The following ST6GALNAC3 variants were observed in gnomAD, a reference collection of about 807,000 sequenced individuals.
ST6GALNAC3 encodes ST6 N-acetylgalactosaminide alpha-2,6-sialyltransferase 3.
ST6GALNAC3 carries 25 observed loss-of-function variants against 32.7 expected under a neutral mutation model. The observed-to-expected ratio is 0.76, with a 90% confidence interval of 0.56 to 1.07. ST6GALNAC3 has a LOEUF of 1.07. Ranked by LOEUF, ST6GALNAC3 falls within the 50% of genes least tolerant of loss-of-function variation. The probability of loss-of-function intolerance (pLI) is 0.00; values close to 1 mark genes in which losing one functional copy is unlikely to be tolerated. For synonymous variants in ST6GALNAC3, 129 were observed against 133.1 expected (o/e 0.97, Z 0.21); for missense variants, 355 against 382.4 (o/e 0.93, Z 0.60).
In ST6GALNAC3 at chr1:76,634,298, AT is replaced by A; in HGVS notation, c.*5496del. ...ACTTCAAAAAGATCAAAACGAGGCA[AT>A]TTTATAGCTTTTTGTTACCTAATCT... On this transcript the variant is annotated 3_prime_UTR_variant, in exon 5 of 5. Transcript: ENST00000328299. 2 of 394,792 alleles carry A rather than the reference AT, an allele frequency of 5.1e-6. No individual in the cohort carries two copies. Among genetic ancestry groups the A allele is most frequent in the Non-Finnish European group, 3.4e-6 (1 of 290,224 alleles). 24.5% of individuals were successfully genotyped at this position (394,792 alleles called of 1,614,324 possible).
Position 76,629,739 on chromosome 1 carries a change from G to C in ST6GALNAC3, c.*933G>C. On this transcript the variant is annotated 3_prime_UTR_variant, in exon 5 of 5. Transcript: ENST00000328299. ...ATATGATTTTTAAAATCATGAAATA[G>C]AGACAGCAAAGCATATTTTTACATC... The C allele has an allele frequency of 1.0e-6, 1 of 981,626 alleles. No individual in the cohort carries two copies. Among genetic ancestry groups the C allele is most frequent in the Non-Finnish European group, 1.2e-6 (1 of 826,176 alleles). 60.8% of individuals were successfully genotyped at this position (981,626 alleles called of 1,614,324 possible).
At chr1:76,355,700 C>T (rs1649381807) in intron 2 of ST6GALNAC3, among the ~76,000 whole-genome samples, 1 of 152,212 alleles carries the variant, frequency 6.6e-6, no homozygotes, top group Non-Finnish European at 1.5e-5. Flanking sequence ...TGAGGCTTTT[C>T]CAAACTCAGA....
intron 2 of ST6GALNAC3, among the ~76,000 whole-genome samples, chr1:76,356,558 A>G (rs1386292031): frequency 6.6e-6 from 1 of 151,958 alleles, no homozygotes; most frequent in African/African-American, 2.4e-5. Context: ...TGTTATGAGG[A>G]AAAGTAAAGG....
chr1:76,245,213 T>C (rs549100983), intron 1 of ST6GALNAC3, among the ~76,000 whole-genome samples: 82 of 152,352 alleles, frequency 5.4e-4, no homozygotes, highest in South Asian at 3.5e-3. Flanking sequence ...TTCTAGTTTA[T>C]TTGTATAGAG....
At chr1:76,365,103 G>T (rs755839722) in intron 2 of ST6GALNAC3, among the ~76,000 whole-genome samples, 3 of 152,186 alleles carry the variant, frequency 2.0e-5, no homozygotes, top group Non-Finnish European at 4.4e-5. Flanking sequence ...ATTGGATAAA[G>T]AAAATGTGGT....
intron 2 of ST6GALNAC3, among the ~76,000 whole-genome samples, chr1:76,320,808 T>G (rs1463311449): frequency 1.3e-5 from 2 of 152,082 alleles, no homozygotes; most frequent in African/African-American, 4.8e-5. Context: ...AATACATACA[T>G]GTATGCATGC....
At chr1:76,423,326 A>C (rs756799479) in intron 3 of ST6GALNAC3, among the ~76,000 whole-genome samples, 1 of 152,034 alleles carries the variant, frequency 6.6e-6, no homozygotes, top group African/African-American at 2.4e-5. Context: ...ATGGATAACT[A>C]GGGCCATTTC....
At chr1:76,575,738 G>A (rs968263256) in intron 3 of ST6GALNAC3, among the ~76,000 whole-genome samples, 4 of 152,054 alleles carry the variant, frequency 2.6e-5, no homozygotes, top group African/African-American at 9.7e-5. Flanking sequence ...TCAGGGTCTG[G>A]AAGCTCTTCT....
In ST6GALNAC3 at chr1:76,559,130, T is replaced by C. The variant is rs141911958; in HGVS notation, c.624-68322T>C. 8.3e-3 allele frequency among the ~76,000 whole-genome samples: 1,265 copies of C among 152,258 alleles called. 14 individuals are homozygous for C. The highest frequency in any genetic ancestry group is 0.029 in the African/African-American group (1,205 of 41,554). On this transcript the variant is annotated intron_variant, in intron 3 of 4. Transcript: ENST00000328299. ...TCTTTACTTGGAGTAATAAAAAGTT[T>C]GTAACCCTTGGTAAGTCTTCCAAAA...
intron 1 of ST6GALNAC3, among the ~76,000 whole-genome samples, chr1:76,226,585 G>A (rs1317090029): frequency 6.6e-6 from 1 of 152,170 alleles, no homozygotes; most frequent in Non-Finnish European, 1.5e-5. Flanking sequence ...GGCCGTACGG[G>A]AAGCAGAGTG....
intron 1 of ST6GALNAC3, among the ~76,000 whole-genome samples, chr1:76,223,137 C>T (rs547488368): frequency 7.2e-5 from 11 of 152,168 alleles, no homozygotes; most frequent in East Asian, 1.9e-4. Context: ...ACATGGGATC[C>T]ACCTAAATGC....
At chr1:76,213,750 G>T (rs1430863940) in intron 1 of ST6GALNAC3, among the ~76,000 whole-genome samples, 1 of 152,124 alleles carries the variant, frequency 6.6e-6, no homozygotes, top group African/African-American at 2.4e-5. Flanking sequence ...CTGCCCAGGA[G>T]ACTGCCTTGC....
chr1:76,612,062 T>A (rs1647971956), intron 3 of ST6GALNAC3, among the ~76,000 whole-genome samples: 1 of 152,184 alleles, frequency 6.6e-6, no homozygotes, highest in Non-Finnish European at 1.5e-5. Context: ...TGGGAAAACA[T>A]ATTTTTCTCC....
intron 3 of ST6GALNAC3, among the ~76,000 whole-genome samples, chr1:76,501,484 G>A (rs780350143): frequency 2.0e-5 from 3 of 151,974 alleles, no homozygotes; most frequent in Non-Finnish European, 4.4e-5. Context: ...TTTATTCTGG[G>A]TAAAGGGAGC....
intron 3 of ST6GALNAC3, among the ~76,000 whole-genome samples, chr1:76,438,345 G>T (rs1232284779): frequency 2.0e-5 from 3 of 151,686 alleles, no homozygotes; most frequent in Non-Finnish European, 2.9e-5. Context: ...TAGAGACGGG[G>T]TTTCACCGTG....
chr1:76,178,878 T>G (rs558898015), intron 1 of ST6GALNAC3, among the ~76,000 whole-genome samples: 2 of 152,342 alleles, frequency 1.3e-5, no homozygotes, highest in African/African-American at 4.8e-5. Context: ...CCCATTGGCC[T>G]TGGATGCCTA....
chr1:76,196,377 A>C (rs982373236), intron 1 of ST6GALNAC3, among the ~76,000 whole-genome samples: 1 of 152,232 alleles, frequency 6.6e-6, no homozygotes, highest in Non-Finnish European at 1.5e-5. Context: ...GCACACTATA[A>C]GAAACTGAAT....
At chr1:76,094,238 G>A (rs1229857468) in intron 1 of ST6GALNAC3, among the ~76,000 whole-genome samples, 1 of 152,106 alleles carries the variant, frequency 6.6e-6, no homozygotes, top group Non-Finnish European at 1.5e-5. Flanking sequence ...ACAAAATCAC[G>A]GAGGCGAGGG....
intron 3 of ST6GALNAC3, among the ~76,000 whole-genome samples, chr1:76,467,001 C>G (rs558341389): frequency 6.6e-6 from 1 of 152,152 alleles, no homozygotes; most frequent in Admixed American, 6.6e-5. Context: ...TTTTTATTCG[C>G]ACTTTCCTTA....
Sources: gnomAD v4.1 joint callset for allele counts (sites outside exome capture counted in the v4.1 genomes callset) on GRCh38, gnomAD v4.1.1 for gene constraint, MANE v1.5 for transcripts, NCBI Gene and HGNC (gene_info 2026-07-23, HGNC 2026-07-21) for gene names.